KANK1: variants seen among roughly 807,000 people sequenced by gnomAD.
The protein encoded by KANK1 is KN motif and ankyrin repeat domains 1.
Under a neutral mutation model 106.2 loss-of-function variants are expected in KANK1, and 109 were observed. That is an observed-to-expected ratio of 1.03 (90% CI 0.88 to 1.20). The LOEUF is 1.20. Ranked by LOEUF, KANK1 falls within the 50% of genes most tolerant of loss-of-function variation. The pLI, the probability that KANK1 is intolerant of heterozygous loss-of-function variation, is 0.00. For missense variants in KANK1, 2,399 were observed against 1,710.7 expected, an observed-to-expected ratio of 1.40 and a Z score of -7.10; for synonymous variants, 873 against 652.2, an observed-to-expected ratio of 1.34 and a Z score of -5.16.
At chr9:715,322 A>G (rs1043962725) in intron 3 of KANK1, among the ~76,000 whole-genome samples, 6 of 151,406 alleles carry the variant, frequency 4.0e-5, no homozygotes, top group African/African-American at 1.2e-4. Flanking sequence ...TTTAAAAATC[A>G]TGATGTCAGA....
rs761345356 is a variant in KANK1, at chr9:676,976, GC to G, written c.5del (p.Ala2ValfsTer40). MAHTTKVNGSAS... is the reference protein window; with the variant it reads MXHTTKVNGSAS... ...CTCTCATTGGACTCAAGCCAGCATG[GC>G]TCACACCACAAAGGTTAACGGCAGT... On this transcript the variant is annotated frameshift_variant, in exon 2 of 12. Transcript: ENST00000382297. LOFTEE classifies it high-confidence loss of function. The G allele has an allele frequency of 3.1e-6, 5 of 1,613,564 alleles. No individual in the cohort carries two copies. The highest frequency in any genetic ancestry group is 3.4e-6 in the Non-Finnish European group (4 of 1,179,754).
chr9:680,248 AG>A (rs2139022357), intron 2 of KANK1, among the ~76,000 whole-genome samples: 1 of 152,254 alleles, frequency 6.6e-6, no homozygotes, highest in South Asian at 2.1e-4. Context: ...GCAAAAGAGG[AG>A]CCTCTGGGAA....
Position 508,430 on chromosome 9 carries a change from C to A in KANK1, c.-84+3676C>A, listed in dbSNP as rs368704043. On this transcript the variant is annotated intron_variant, in intron 1 of 11. Coordinates refer to ENST00000382297, the MANE Select transcript of KANK1 (RefSeq NM_015158.5). ...GGCATTACAGGCGTGAGCCACTGTG[C>A]CCAGCCTGTAGCTATACATCTTAAG... Among the ~76,000 whole-genome samples, 578 of 152,320 alleles carry A rather than the reference C, an allele frequency of 3.8e-3. 40 individuals carry two copies. In the South Asian group the frequency reaches 0.11, roughly 29 times the overall value.
At chr9:690,133 C>CAAAAAAAAA (rs57837964) in intron 2 of KANK1, among the ~76,000 whole-genome samples, 285 of 61,310 alleles carry the variant, frequency 4.6e-3, no homozygotes, top group African/African-American at 5.1e-3. Context: ...TCTAAAAATA[C>CAAAAAAAAA]AAAAAAAAAA....
intron 1 of KANK1, among the ~76,000 whole-genome samples, chr9:560,969 C>G (rs1464375986): frequency 6.6e-6 from 1 of 152,144 alleles, no homozygotes; most frequent in East Asian, 1.9e-4. Context: ...GTGGCCTTCT[C>G]TGGCAGCTTT....
At chr9:602,617 T>G (rs1263903500) in intron 1 of KANK1, among the ~76,000 whole-genome samples, 1 of 151,846 alleles carries the variant, frequency 6.6e-6, no homozygotes, top group Non-Finnish European at 1.5e-5. Flanking sequence ...ATACCTGGAT[T>G]TACAATGTGT....
chr9:711,317 T>G lies in KANK1; in HGVS notation c.551T>G (p.Leu184Arg). 1 of 1,614,168 alleles carries G rather than the reference T, an allele frequency of 6.2e-7. No individual in the cohort carries two copies. Among genetic ancestry groups the G allele is most frequent in the Non-Finnish European group, 8.5e-7 (1 of 1,180,040 alleles). ...CCGGGTGAGTTCAGAAGGCCCAGGC[T>G]GGCCAGTTTTGGAGGCATGGGCACC... is the stretch of plus-strand genomic sequence containing the variant. The part of the protein sequence containing the change: ...MTPGEFRRPR[L>R]ASFGGMGTTS... The change falls in exon 3 of 12, where the codon CTG becomes CGG. Residue 184 changes from leucine (L) to arginine (R), a missense_variant. Leu to Arg is a moderately radical substitution (Grantham distance 102, BLOSUM62 -2). Coordinates refer to ENST00000382297, the MANE Select transcript of KANK1 (RefSeq NM_015158.5).
intron 1 of KANK1, among the ~76,000 whole-genome samples, chr9:512,230 A>AGTGTGTGTGTGTGT (rs71678968): frequency 1.5e-5 from 2 of 136,896 alleles, no homozygotes; most frequent in African/African-American, 6.3e-5. Flanking sequence ...CATAACCAAT[A>AGTGTGTGTGTGTGT]GTGTGTGTGT....
At chr9:481,785 A>G (rs939682211) in intron 3 of KANK1, among the ~76,000 whole-genome samples, 3 of 152,128 alleles carry the variant, frequency 2.0e-5, no homozygotes, top group South Asian at 2.1e-4. Flanking sequence ...TTGAGGCTGC[A>G]GTGAGCTATG....
intron 1 of KANK1, among the ~76,000 whole-genome samples, chr9:603,152 G>T (rs990319137): frequency 6.6e-6 from 1 of 151,792 alleles, no homozygotes; most frequent in East Asian, 1.9e-4. Context: ...TCTTTTTCAA[G>T]GATGTTTTTC....
At chr9:505,177 G>A (rs1451726326) in intron 1 of KANK1, among the ~76,000 whole-genome samples, 1 of 152,162 alleles carries the variant, frequency 6.6e-6, no homozygotes, top group Non-Finnish European at 1.5e-5. Context: ...TCCCTAGCCC[G>A]GGGCGGAACG....
intron 3 of KANK1, among the ~76,000 whole-genome samples, chr9:724,856 G>A (rs1564085125): frequency 6.6e-6 from 1 of 152,120 alleles, no homozygotes; most frequent in Non-Finnish European, 1.5e-5. Flanking sequence ...ACTTTTTGGA[G>A]GCCGCTGCAA....
Position 584,254 on chromosome 9 carries a change from TAA to T in KANK1, c.-84+79501_-84+79502del, listed in dbSNP as rs1258878092. Among the ~76,000 whole-genome samples the T allele has an allele frequency of 6.7e-3, 1,026 of 152,320 alleles. 16 individuals carry two copies. Among genetic ancestry groups the T allele is most frequent in the African/African-American group, 0.023 (971 of 41,582 alleles). ...ATAAGTGGGAAAAACAAGTTACAAG[TAA>T]TATCATATGATTTACTTTTAGTGAA... On this transcript the variant is annotated intron_variant, in intron 1 of 11. Transcript: ENST00000382297.
chr9:696,136 T>G (rs985653437), intron 2 of KANK1, among the ~76,000 whole-genome samples: 24 of 151,906 alleles, frequency 1.6e-4, no homozygotes, highest in Admixed American at 6.6e-5. Context: ...TACAAAAAAT[T>G]AGCCGGGCGT....
At chr9:707,156 G>A (rs1824500528) in intron 2 of KANK1, 1 of 985,412 alleles carries the variant, frequency 1.0e-6, no homozygotes, top group African/African-American at 1.7e-5. Context: ...CACGGGGTGA[G>A]GATCGAGGGC....
intron 2 of KANK1, among the ~76,000 whole-genome samples, chr9:678,576 A>G (rs866270203): frequency 6.6e-6 from 1 of 152,036 alleles, no homozygotes; most frequent in African/African-American, 2.4e-5. Flanking sequence ...AAAAATACAA[A>G]AATTAGCCAG....
chr9:712,578 C>T lies in KANK1; in HGVS notation c.1812C>T (p.Ser604=), dbSNP rs778465417. Residue 604 remains serine, a synonymous_variant, in exon 3 of 12, where the codon AGC becomes AGT. Transcript: ENST00000382297. ...AAGTCAGCGTCTGCGAAACAGGCAG[C>T]AACACAGAGGAGTCTGTGAACGACC... ...SVEVSVCETG[S]NTEESVNDLT... The T allele has an allele frequency of 3.1e-6, 5 of 1,614,142 alleles. No individual in the cohort carries two copies. The highest frequency in any genetic ancestry group is 4.2e-6 in the Non-Finnish European group (5 of 1,180,014).
intron 2 of KANK1, among the ~76,000 whole-genome samples, chr9:708,674 G>A (rs1825014462): frequency 6.6e-6 from 1 of 152,118 alleles, no homozygotes; most frequent in Admixed American, 6.5e-5. Flanking sequence ...GTAAATGTTC[G>A]GCAGTGCTGG....
chr9:667,719 G>A (rs1292381365), intron 1 of KANK1, among the ~76,000 whole-genome samples: 1 of 142,064 alleles, frequency 7.0e-6, no homozygotes, highest in African/African-American at 2.6e-5. Flanking sequence ...CCATGTTTTT[G>A]TTTAATTTCC....
Sources: gnomAD v4.1 joint callset for allele counts (sites outside exome capture counted in the v4.1 genomes callset) on GRCh38, gnomAD v4.1.1 for gene constraint, MANE v1.5 for transcripts, NCBI Gene and HGNC (gene_info 2026-07-23, HGNC 2026-07-21) for gene names.